The following NXPH1 variants were observed in gnomAD, a reference collection of about 807,000 sequenced individuals.
NXPH1 encodes the protein neurexophilin-1.
A neutral mutation model predicts 23.7 loss-of-function variants in NXPH1; 5 were observed. The observed-to-expected ratio is 0.21, with a 90% CI of 0.11 to 0.44. NXPH1 has a LOEUF of 0.44. Among genes scored for constraint, NXPH1 ranks in the 20% least tolerant of loss-of-function variants. The probability of loss-of-function intolerance (pLI) is 0.99; values close to 1 mark genes in which losing one functional copy is unlikely to be tolerated. For missense variants in NXPH1, 324 were observed against 321.6 expected (o/e 1.01, Z -0.06); for synonymous variants, 144 against 122.2 (o/e 1.18, Z -1.18).
intron 2 of NXPH1, among the ~76,000 whole-genome samples, chr7:8,443,500 C>A (rs1231664495): frequency 6.6e-6 from 1 of 152,380 alleles, no homozygotes; most frequent in Admixed American, 6.5e-5. Context: ...GCCCCTCTTC[C>A]CCCGGCGAGG....
At chr7:8,692,441 C>T (rs530313754) in intron 2 of NXPH1, among the ~76,000 whole-genome samples, 9 of 152,078 alleles carry the variant, frequency 5.9e-5, no homozygotes, top group Non-Finnish European at 8.8e-5. Flanking sequence ...GGATGTTTGA[C>T]TTTAGAAAGC....
At chr7:8,563,531 A>G (rs976130186) in intron 2 of NXPH1, among the ~76,000 whole-genome samples, 2 of 151,782 alleles carry the variant, frequency 1.3e-5, no homozygotes, top group African/African-American at 4.8e-5. Flanking sequence ...GAGGATGCAG[A>G]AGGGATTGAA....
At chr7:8,545,615 C>G (rs1562397930) in intron 2 of NXPH1, among the ~76,000 whole-genome samples, 1 of 151,430 alleles carries the variant, frequency 6.6e-6, no homozygotes. Context: ...ACTGTATTTG[C>G]TCTTAGCAAC....
chr7:8,627,505 A>G (rs1245813758), intron 2 of NXPH1, among the ~76,000 whole-genome samples: 1 of 152,150 alleles, frequency 6.6e-6, no homozygotes, highest in African/African-American at 2.4e-5. Context: ...TGGCTCTTTG[A>G]GTAGTAGGAT....
At chr7:8,549,424 G>A (rs1192102812) in intron 2 of NXPH1, among the ~76,000 whole-genome samples, 1 of 151,508 alleles carries the variant, frequency 6.6e-6, no homozygotes, top group African/African-American at 2.4e-5. Context: ...TTTATTCTGA[G>A]TAAGTATACT....
At chr7:8,610,324 T>G (rs1363100118) in intron 2 of NXPH1, among the ~76,000 whole-genome samples, 1 of 152,142 alleles carries the variant, frequency 6.6e-6, no homozygotes, top group Non-Finnish European at 1.5e-5. Flanking sequence ...TTGCACTGAA[T>G]TAGCTAGGAA....
chr7:8,493,575 T>C (rs1307799874), intron 2 of NXPH1, among the ~76,000 whole-genome samples: 1 of 152,090 alleles, frequency 6.6e-6, no homozygotes, highest in Non-Finnish European at 1.5e-5. Flanking sequence ...AACTTCATTG[T>C]TATATGACTA....
At chr7:8,721,658 G>A (rs1307652251) in intron 2 of NXPH1, among the ~76,000 whole-genome samples, 4 of 152,172 alleles carry the variant, frequency 2.6e-5, no homozygotes. Flanking sequence ...GGCACCTGTA[G>A]TCCCAGCTAC....
intron 2 of NXPH1, among the ~76,000 whole-genome samples, chr7:8,555,598 C>T (rs956187751): frequency 6.6e-6 from 1 of 151,656 alleles, no homozygotes; most frequent in African/African-American, 2.4e-5. Context: ...CCAAAGCACA[C>T]CAGGTTGTAA....
In NXPH1 at chr7:8,608,412, C is replaced by T. The variant is rs10226459; in HGVS notation, c.55-142596C>T. On this transcript the variant is annotated intron_variant, in intron 2 of 2. Transcript: ENST00000405863. The stretch of plus-strand genomic sequence containing the variant: ...GAGTGGTCACAACTCACTGCAACTT[C>T]AGCCTCCTGGGCTCAAGCAAGCCTC... Among the ~76,000 whole-genome samples the T allele has an allele frequency of 8.9e-3, 1,341 of 150,952 alleles. 20 individuals are homozygous for T. Among genetic ancestry groups the T allele is most frequent in the African/African-American group, 0.031 (1,277 of 41,048 alleles).
intron 2 of NXPH1, among the ~76,000 whole-genome samples, chr7:8,512,235 A>G (rs1817623765): frequency 6.6e-6 from 1 of 152,150 alleles, no homozygotes; most frequent in Non-Finnish European, 1.5e-5. Context: ...GATAATCTTA[A>G]CCAACTGTTA....
intron 2 of NXPH1, among the ~76,000 whole-genome samples, chr7:8,702,402 G>C (rs1469858126): frequency 6.6e-6 from 1 of 152,050 alleles, no homozygotes; most frequent in Non-Finnish European, 1.5e-5. Context: ...ATATTTATTT[G>C]AGGAATTAGC....
At chr7:8,468,197 A>G (rs545967581) in intron 2 of NXPH1, among the ~76,000 whole-genome samples, 1 of 152,262 alleles carries the variant, frequency 6.6e-6, no homozygotes, top group East Asian at 1.9e-4. Flanking sequence ...ATATTCTATA[A>G]AGATAAATCT....
At chr7:8,547,294 A>C (rs543142453) in intron 2 of NXPH1, among the ~76,000 whole-genome samples, 3 of 151,316 alleles carry the variant, frequency 2.0e-5, no homozygotes, top group Non-Finnish European at 4.4e-5. Context: ...ATTTTAGAAA[A>C]ACATATAGAT....
chr7:8,459,938 A>G (rs938204308), intron 2 of NXPH1, among the ~76,000 whole-genome samples: 3 of 152,206 alleles, frequency 2.0e-5, no homozygotes, highest in African/African-American at 4.8e-5. Context: ...GTGCTTAGCC[A>G]AACTGAGCTA....
chr7:8,641,934 C>T (rs1282921003), intron 2 of NXPH1, among the ~76,000 whole-genome samples: 1 of 152,104 alleles, frequency 6.6e-6, no homozygotes, highest in Non-Finnish European at 1.5e-5. Context: ...AATCAAATGC[C>T]AGGGAGTTTA....
chr7:8,520,896 A>T (rs1370959958), intron 2 of NXPH1, among the ~76,000 whole-genome samples: 2 of 152,168 alleles, frequency 1.3e-5, no homozygotes, highest in Non-Finnish European at 2.9e-5. Context: ...GAAGGGGGAC[A>T]TTTCAAAGTT....
chr7:8,566,708 C>T (rs1818553006), intron 2 of NXPH1, among the ~76,000 whole-genome samples: 2 of 151,780 alleles, frequency 1.3e-5, no homozygotes, highest in Admixed American at 6.6e-5. Flanking sequence ...ACTATTGGCT[C>T]CTCTGATTTA....
At chr7:8,535,516 G>A (rs542246359) in intron 2 of NXPH1, among the ~76,000 whole-genome samples, 3 of 151,548 alleles carry the variant, frequency 2.0e-5, no homozygotes, top group Non-Finnish European at 4.4e-5. Flanking sequence ...GGATTAATTG[G>A]GATATGGAAT....
Sources: allele counts gnomAD v4.1 joint callset (sites outside exome capture counted in the v4.1 genomes callset), GRCh38; gene constraint gnomAD v4.1.1; transcripts MANE v1.5; gene names NCBI Gene and HGNC (gene_info 2026-07-23, HGNC 2026-07-21).